KHDRBS3: variants seen among roughly 807,000 people sequenced by gnomAD.
KHDRBS3 encodes KH RNA binding domain containing, signal transduction associated 3.
KHDRBS3 carries 23 observed loss-of-function variants against 45.6 expected under a neutral mutation model. The ratio of observed to expected loss-of-function variants is 0.50; its 90% CI spans 0.36 to 0.72. The LOEUF (loss-of-function observed/expected upper bound fraction) is 0.72, where lower values mean the gene tolerates loss of function less well. Ranked by LOEUF, KHDRBS3 falls within the 30% of genes least tolerant of loss-of-function variation. The pLI, the probability that KHDRBS3 is intolerant of heterozygous loss-of-function variation, is 0.00. For synonymous variants in KHDRBS3, 162 were observed against 156.5 expected (o/e 1.04, Z -0.26); for missense variants, 352 against 424.8 (o/e 0.83, Z 1.51).
At chr8:135,625,845 T>G (rs1358438315) in intron 7 of KHDRBS3, 2 of 769,012 alleles carry the variant, frequency 2.6e-6, no homozygotes, top group Non-Finnish European at 2.4e-6. Context: ...GTCCATAAAC[T>G]GACACTAGGC....
chr8:135,506,843 C>A (rs566866300), intron 1 of KHDRBS3, among the ~76,000 whole-genome samples: 2 of 151,910 alleles, frequency 1.3e-5, no homozygotes, highest in Admixed American at 1.3e-4. Context: ...TTTTTTTTTA[C>A]TGACAAATCT....
intron 2 of KHDRBS3, among the ~76,000 whole-genome samples, chr8:135,536,476 T>C (rs1205274332): frequency 6.6e-6 from 1 of 152,094 alleles, no homozygotes; most frequent in African/African-American, 2.4e-5. Context: ...AGCACTCAGG[T>C]TCGCAGGACA....
chr8:135,578,093 A>G (rs1012922998), intron 5 of KHDRBS3, among the ~76,000 whole-genome samples: 8 of 152,158 alleles, frequency 5.3e-5, no homozygotes, highest in African/African-American at 1.9e-4. Flanking sequence ...TTGCTTTCTT[A>G]TTGTTGAGTT....
At chr8:135,642,808 T>G (rs1348706157) in intron 7 of KHDRBS3, among the ~76,000 whole-genome samples, 4 of 151,916 alleles carry the variant, frequency 2.6e-5, no homozygotes, top group Non-Finnish European at 5.9e-5. Flanking sequence ...TTTTTTTTTT[T>G]TCTGTGATGG....
intron 4 of KHDRBS3, among the ~76,000 whole-genome samples, chr8:135,551,588 T>G (rs957421930): frequency 1.3e-5 from 2 of 152,188 alleles, no homozygotes; most frequent in Non-Finnish European, 2.9e-5. Flanking sequence ...ACATTTGCAT[T>G]CCGAGGATAA....
chr8:135,526,731 A>C (rs1825208521), intron 2 of KHDRBS3, among the ~76,000 whole-genome samples: 1 of 152,056 alleles, frequency 6.6e-6, no homozygotes, highest in Non-Finnish European at 1.5e-5. Flanking sequence ...TAATTGAATA[A>C]TTTCTCTTCT....
intron 5 of KHDRBS3, among the ~76,000 whole-genome samples, chr8:135,558,047 T>G (rs1385463878): frequency 6.6e-6 from 1 of 152,210 alleles, no homozygotes; most frequent in Non-Finnish European, 1.5e-5. Context: ...CGCATTGATA[T>G]GAAGATTGGG....
At chr8:135,480,613 CTTA>C (rs1011824677) in intron 1 of KHDRBS3, among the ~76,000 whole-genome samples, 42 of 151,466 alleles carry the variant, frequency 2.8e-4, no homozygotes, top group African/African-American at 9.0e-4. Flanking sequence ...TGAATGAATG[CTTA>C]TTATAGAAAA....
chr8:135,563,320 C>T (rs1397714420), intron 5 of KHDRBS3, among the ~76,000 whole-genome samples: 1 of 152,210 alleles, frequency 6.6e-6, no homozygotes, highest in African/African-American at 2.4e-5. Flanking sequence ...TTTCCCAGAT[C>T]CTTCACATTT....
intron 5 of KHDRBS3, among the ~76,000 whole-genome samples, chr8:135,573,462 T>C (rs1827802263): frequency 6.6e-6 from 1 of 152,244 alleles, no homozygotes; most frequent in Non-Finnish European, 1.5e-5. Context: ...GTCTGTGTAC[T>C]AATTACCACT....
At chr8:135,514,292 C>G (rs1324028587) in intron 1 of KHDRBS3, among the ~76,000 whole-genome samples, 1 of 152,158 alleles carries the variant, frequency 6.6e-6, no homozygotes, top group African/African-American at 2.4e-5. Context: ...TTTACAATAG[C>G]TAAGAGGTGG....
At chr8:135,630,218 C>T (rs1724821219) in intron 7 of KHDRBS3, among the ~76,000 whole-genome samples, 1 of 152,136 alleles carries the variant, frequency 6.6e-6, no homozygotes, top group Non-Finnish European at 1.5e-5. Flanking sequence ...GTCTGGAATT[C>T]CTGTGGTGGT....
intron 4 of KHDRBS3, among the ~76,000 whole-genome samples, chr8:135,652,863 A>AGAG (rs755917511): frequency 2.0e-5 from 3 of 152,184 alleles, no homozygotes; most frequent in Non-Finnish European, 2.9e-5. Flanking sequence ...ATGCCTAGTA[A>AGAG]GTGGTAAATG....
chr8:135,535,815 C>T (rs557124404), intron 2 of KHDRBS3, among the ~76,000 whole-genome samples: 25 of 152,154 alleles, frequency 1.6e-4, no homozygotes, highest in East Asian at 3.9e-4. Flanking sequence ...GTCAAGGCAC[C>T]GGCAGGTTTA....
intron 1 of KHDRBS3, among the ~76,000 whole-genome samples, chr8:135,508,513 T>C (rs1013606377): frequency 6.6e-6 from 1 of 152,198 alleles, no homozygotes; most frequent in Non-Finnish European, 1.5e-5. Flanking sequence ...TGGAGCCTGA[T>C]AATTGTTTAA....
At chr8:135,650,387 T>TA (rs139596204), downstream of KHDRBS3, among the ~76,000 whole-genome samples, 1,079 of 152,346 alleles carry the variant, frequency 7.1e-3, 12 homozygotes, top group African/African-American at 0.025. Flanking sequence ...GCTTGGTTTA[T>TA]ATTTCCTCAT....
chr8:135,521,680 A>C (rs1824917001), intron 2 of KHDRBS3, among the ~76,000 whole-genome samples: 1 of 152,138 alleles, frequency 6.6e-6, no homozygotes, highest in African/African-American at 2.4e-5. Flanking sequence ...ATCTGTGTTA[A>C]ATGCTTGGTA....
Position 135,597,585 on chromosome 8 carries a change from C to T in KHDRBS3, c.808-9370C>T, listed in dbSNP as rs550357472. ...CCAACACTCTCATTATCTTATATAC[C>T]ATATATTTTGCTTGGTTTTGTTTCT... On this transcript the variant is annotated intron_variant, in intron 6 of 8. Coordinates refer to ENST00000355849, the MANE Select transcript of KHDRBS3 (RefSeq NM_006558.3). Among the ~76,000 whole-genome samples the T allele has an allele frequency of 2.5e-4, 38 of 151,966 alleles. 1 individual carries two copies. The South Asian group carries it at 3.3e-3, about 13-fold the overall frequency.
downstream of KHDRBS3, chr8:135,647,784 C>G (rs1206089912): frequency 6.6e-6 from 1 of 152,192 alleles, no homozygotes; most frequent in Non-Finnish European, 1.5e-5. Flanking sequence ...CCATTATATA[C>G]TCACCATAGA....
Sources: allele counts gnomAD v4.1 joint callset (sites outside exome capture counted in the v4.1 genomes callset), GRCh38; gene constraint gnomAD v4.1.1; transcripts MANE v1.5; gene names NCBI Gene and HGNC (gene_info 2026-07-23, HGNC 2026-07-21).